CPT1C: variants seen among roughly 807,000 people sequenced by gnomAD.
CPT1C encodes carnitine palmitoyltransferase 1C.
In CPT1C, 61 loss-of-function variants were observed where a neutral mutation model predicts 97.3. The observed-to-expected ratio is 0.63, with a 90% confidence interval of 0.51 to 0.78. The LOEUF is 0.78. CPT1C is among the 30% of genes least tolerant of loss of function. The pLI, the probability that CPT1C is intolerant of heterozygous loss-of-function variation, is 0.00. For synonymous variants in CPT1C, 469 were observed against 447.2 expected, an observed-to-expected ratio of 1.05 and a Z score of -0.61; for missense variants, 975 against 1,065.5, an observed-to-expected ratio of 0.92 and a Z score of 1.18.
intron 16 of CPT1C, chr19:49,711,067 G>T (rs1395746886): frequency 6.4e-6 from 3 of 467,860 alleles, no homozygotes; most frequent in African/African-American, 2.0e-5. Context: ...GGTCTCACAG[G>T]GCACTGGGGG....
upstream of CPT1C, chr19:49,690,766 A>C: frequency 2.7e-6 from 1 of 365,990 alleles, no homozygotes; most frequent in Non-Finnish European, 4.9e-6. The surrounding 1 kb of genome is among the most constrained non-coding windows in gnomAD (Gnocchi z 4.4). Context: ...GGCCGTCCTG[A>C]CCCCCAAACA....
In CPT1C at chr19:49,713,429, A is replaced by G. The variant is rs370367604; in HGVS notation, c.2236A>G (p.Arg746Gly). Residue 746 changes from arginine to glycine, a missense_variant, in exon 20 of 20, where the codon AGG (arginine) becomes GGG (glycine). Arg to Gly is a moderately radical substitution (Grantham distance 125). Around this residue, in one of 3 missense-constraint regions of CPT1C, gnomAD observed 344 missense variants for 395.7 expected, o/e 0.87. Coordinates refer to ENST00000598293, the MANE Select transcript of CPT1C (RefSeq NM_001199753.2). Reference sequence around the variant, plus strand: ...CCTGTTCTCCTTCCAGGATTCCCACAGGCTGGGGCAGCACATTGAGGACGC... The same window carrying G: ...CCTGTTCTCCTTCCAGGATTCCCACGGGCTGGGGCAGCACATTGAGGACGC... Reference protein sequence around the residue: ...KKSSTKTDSHRLGQHIEDALL... With the variant: ...KKSSTKTDSHGLGQHIEDALL... 1 of 1,610,410 alleles carries G rather than the reference A, an allele frequency of 6.2e-7. No homozygotes were observed. The highest frequency in any genetic ancestry group is 8.5e-7 in the Non-Finnish European group (1 of 1,178,574).
chr19:49,708,395 C>T (rs1034655705), intron 13 of CPT1C, among the ~76,000 whole-genome samples: 2 of 151,796 alleles, frequency 1.3e-5, no homozygotes, highest in Admixed American at 6.6e-5. Flanking sequence ...CCAGCTACTC[C>T]GGAGGCTAAG....
intron 19 of CPT1C, 50 bp downstream of exon 19, chr19:49,713,114 G>A (rs1277502795): frequency 6.6e-7 from 1 of 1,504,122 alleles, no homozygotes. Context: ...CAGGAACCAG[G>A]AGTCTGGGCC....
At chr19:49,695,377 G>A (rs985179221) in intron 3 of CPT1C, among the ~76,000 whole-genome samples, 1 of 146,930 alleles carries the variant, frequency 6.8e-6, no homozygotes, top group Non-Finnish European at 1.5e-5. Context: ...TCCGCCTCAT[G>A]GGTTCAAGCT....
chr19:49,711,930 T>C lies in CPT1C; in HGVS notation c.1988T>C (p.Phe663Ser). The C allele has an allele frequency of 6.2e-7, 1 of 1,614,130 alleles. No homozygotes were observed. Residue 663 changes from phenylalanine to serine, a missense_variant, in exon 17 of 20, where the codon TTC becomes TCC. Physicochemically the swap from Phe to Ser is radical, Grantham distance 155 (BLOSUM62 -2). Transcript: ENST00000598293. ...TTTGCGCTGTACATCGTGTCCCGAT[T>C]CCTCCACCTGCAGTCGCCCTTCCTG... ...HLFALYIVSR[F>S]LHLQSPFLTQ... is the part of the protein sequence containing the mutation.
chr19:49,704,815 G>T, intron 8 of CPT1C, 28 bp downstream of exon 8: 1 of 1,604,180 alleles, frequency 6.2e-7, no homozygotes, highest in Non-Finnish European at 8.5e-7. Context: ...GAGGTTCATA[G>T]GCCCCAGGTC....
chr19:49,704,960 G>A (rs375233641), intron 8 of CPT1C, 47 bp from the exon 9 acceptor site: 18 of 1,518,766 alleles, frequency 1.2e-5, no homozygotes, highest in Non-Finnish European at 1.6e-5. Context: ...TCCATCGGGG[G>A]CAAACCTGAC....
At chr19:49,699,672 T>C (rs1180907228) in intron 4 of CPT1C, among the ~76,000 whole-genome samples, 1 of 152,000 alleles carries the variant, frequency 6.6e-6, no homozygotes, top group African/African-American at 2.4e-5. Flanking sequence ...CCGCTGACTA[T>C]GGCCAGGTGC....
In CPT1C at chr19:49,701,652, C is replaced by T. The variant is rs375623885; in HGVS notation, c.693+18C>T. 5.1e-6 allele frequency: 8 copies of T among 1,583,274 alleles called. No homozygotes were observed. The African/African-American group carries it at 6.8e-5, about 13-fold the overall frequency. ...CCAATTATGTGAGTCCCGCCACCGCCACCAACGCCCCACCTGAAGGGCTAA... is the reference window on the plus strand; with the variant it reads ...CCAATTATGTGAGTCCCGCCACCGCTACCAACGCCCCACCTGAAGGGCTAA... On this transcript the variant is annotated intron_variant, in intron 7 of 19. Transcript: ENST00000598293.
At chr19:49,694,422 A>C (rs939930153) in intron 3 of CPT1C, among the ~76,000 whole-genome samples, 8 of 152,004 alleles carry the variant, frequency 5.3e-5, no homozygotes, top group African/African-American at 1.9e-4. Context: ...CGAAGTCAGG[A>C]GTTCAAGACC....
intron 3 of CPT1C, among the ~76,000 whole-genome samples, chr19:49,696,215 AG>A (rs2082659809): frequency 6.6e-6 from 1 of 152,134 alleles, no homozygotes. Flanking sequence ...AGATCATCTT[AG>A]TACTTATTTC....
intron 9 of CPT1C, 34 bp from the exon 10 acceptor site, chr19:49,705,180 T>G: frequency 6.2e-7 from 1 of 1,613,984 alleles, no homozygotes; most frequent in East Asian, 2.2e-5. Flanking sequence ...ACGTGGGTCC[T>G]GGAAGGCAGC....
chr19:49,712,991 G>A lies in CPT1C; in HGVS notation c.2153G>A (p.Gly718Asp). ...GFGPADDHGY[G>D]VSYIFMGDGM... ...CTCCAGGCTGATGACCATGGTTATGGTGTTTCTTATATCTTCATGGGGGAT... is the reference window on the plus strand; with the variant it reads ...CTCCAGGCTGATGACCATGGTTATGATGTTTCTTATATCTTCATGGGGGAT... Residue 718 changes from glycine (G) to aspartate (D), a missense_variant, in exon 19 of 20, where the codon GGT (glycine) becomes GAT (aspartate). This residue lies in a region of CPT1C where 344 missense variants were observed against 395.7 expected (regional missense o/e 0.87). Coordinates refer to ENST00000598293, the MANE Select transcript of CPT1C (RefSeq NM_001199753.2). The A allele has an allele frequency of 6.2e-7, 1 of 1,614,028 alleles. No homozygotes were observed. The highest frequency in any genetic ancestry group is 8.5e-7 in the Non-Finnish European group (1 of 1,179,954).
In CPT1C at chr19:49,700,589, G is replaced by T. The variant is rs1037268997; in HGVS notation, c.282-95G>T. The T allele has an allele frequency of 2.9e-6, 4 of 1,384,770 alleles. No homozygotes were observed. The African/African-American group carries it at 5.7e-5, about 20-fold the overall frequency. The allele number at this position is 1,384,770 out of a possible 1,614,324, so 85.8% of individuals were successfully genotyped here. ...CAAAAATGGGTTTCTCTGTCTGACA[G>T]CCAAAAGATCAGCGCAGGGGCTGGA... On this transcript the variant is annotated intron_variant, in intron 4 of 19. Transcript: ENST00000598293.
intron 5 of CPT1C, 22 bp from the exon 6 acceptor site, chr19:49,701,295 C>G: frequency 6.2e-7 from 1 of 1,600,638 alleles, no homozygotes; most frequent in Non-Finnish European, 8.5e-7. Flanking sequence ...GGGTTAATGA[C>G]CCGGTAACTC....
intron 4 of CPT1C, chr19:49,697,685 G>C (rs1568508550): frequency 2.1e-6 from 1 of 470,530 alleles, no homozygotes; most frequent in Non-Finnish European, 3.7e-6. Context: ...GCTGAGGTGG[G>C]TGTATCGCTT....
intron 3 of CPT1C, among the ~76,000 whole-genome samples, chr19:49,693,048 C>T (rs1303199138): frequency 6.6e-6 from 1 of 152,158 alleles, no homozygotes; most frequent in African/African-American, 2.4e-5. Context: ...ATTATACGCC[C>T]AGCTAATTTT....
intron 3 of CPT1C, among the ~76,000 whole-genome samples, chr19:49,693,014 G>A (rs2008725): frequency 8.5e-5 from 13 of 152,214 alleles, no homozygotes; most frequent in African/African-American, 2.9e-4. Flanking sequence ...TCAGCCTCCC[G>A]AGTAGCTGGG....
Sources: gnomAD v4.1 joint callset for allele counts (sites outside exome capture counted in the v4.1 genomes callset) on GRCh38, gnomAD v4.1.1 for gene constraint, gnomAD v4.1.1 regional missense constraint, Gnocchi (gnomAD v3.1) non-coding constraint, MANE v1.5 for transcripts, NCBI Gene and HGNC (gene_info 2026-07-23, HGNC 2026-07-21) for gene names.